Variants in TRPC4 observed in about 807,000 individuals in gnomAD.
TRPC4 encodes the protein transient receptor potential cation channel subfamily C member 4, also known as short transient receptor potential channel 4.
Under a neutral mutation model 99.4 loss-of-function variants are expected in TRPC4, and 49 were observed. The observed-to-expected ratio is 0.49, with a 90% confidence interval of 0.39 to 0.63. TRPC4 has a LOEUF of 0.63. TRPC4 is among the 20% of genes least tolerant of loss of function. TRPC4 has a pLI of 0.00. For missense variants in TRPC4, 898 were observed against 1,152.9 expected (o/e 0.78, Z 3.20); for synonymous variants, 454 against 425.9 (o/e 1.07, Z -0.81).
chr13:37,815,887 T>TAA (rs35428578), intron 1 of TRPC4, among the ~76,000 whole-genome samples: 1 of 150,682 alleles, frequency 6.6e-6, no homozygotes, highest in Non-Finnish European at 1.5e-5. Flanking sequence ...CTCAGTAAAT[T>TAA]AAAAAAAAAT....
At chr13:37,651,537 C>A (rs1042845208) in intron 7 of TRPC4, 78 bp from the exon 8 acceptor site, 2 of 1,342,782 alleles carry the variant, frequency 1.5e-6, no homozygotes, top group African/African-American at 2.9e-5. Context: ...GATCCTGTAA[C>A]CTGACTTCAA....
At chr13:37,667,756 C>G (rs1952697284) in intron 5 of TRPC4, among the ~76,000 whole-genome samples, 1 of 152,212 alleles carries the variant, frequency 6.6e-6, no homozygotes, top group Non-Finnish European at 1.5e-5. Flanking sequence ...AAAGATTTAA[C>G]TGCCATTTGG....
chr13:37,790,720 G>A, intron 1 of TRPC4, among the ~76,000 whole-genome samples: 1 of 152,036 alleles, frequency 6.6e-6, no homozygotes, highest in Non-Finnish European at 1.5e-5. Flanking sequence ...AACCAACTGA[G>A]CACAGGCCAG....
chr13:37,775,397 T>C (rs1402442040), intron 2 of TRPC4, among the ~76,000 whole-genome samples: 5 of 132,798 alleles, frequency 3.8e-5, no homozygotes, highest in African/African-American at 1.4e-4. Flanking sequence ...CTATTTATTT[T>C]ATTTATTTGT....
chr13:37,691,322 C>CTACGATCTCCTGACCTCGTGA (rs1476485540), intron 4 of TRPC4, among the ~76,000 whole-genome samples: 5 of 152,078 alleles, frequency 3.3e-5, no homozygotes, highest in East Asian at 3.9e-4. Context: ...GCTAGGATGG[C>CTACGATCTCCTGACCTCGTGA]TACGATCTCC....
intron 3 of TRPC4, among the ~76,000 whole-genome samples, chr13:37,710,640 A>G (rs1954451989): frequency 6.6e-6 from 1 of 151,956 alleles, no homozygotes; most frequent in South Asian, 2.1e-4. Context: ...GGCAAAATAC[A>G]TTACTAAATA....
intron 3 of TRPC4, among the ~76,000 whole-genome samples, chr13:37,745,449 T>C (rs369240906): frequency 4.2e-4 from 1 of 2,366 alleles, no homozygotes; most frequent in African/African-American, 5.9e-4. Flanking sequence ...TATATATATA[T>C]ATATATATAT....
rs560213122 is a variant in TRPC4 at position 37,655,081 on chromosome 13, A to C, written c.1884+7T>G. 6.1e-6 allele frequency: 9 copies of C among 1,478,184 alleles called. No homozygotes were observed. The highest frequency in any genetic ancestry group is 2.8e-5 in the African/African-American group (2 of 70,448). The allele number at this position is 1,478,184 out of a possible 1,614,324, so 91.6% of individuals were successfully genotyped here. On this transcript the variant is annotated splice_region_variant and intron_variant, in intron 7 of 10. Transcript: ENST00000379705. ...ACATTGAATTAAAATAAAGCTGGTCAACTTACAGCAATCAGTTGGTAAGAA... is the reference window on the plus strand; with the variant it reads ...ACATTGAATTAAAATAAAGCTGGTCCACTTACAGCAATCAGTTGGTAAGAA...
At chr13:37,788,709 C>T (rs1242642777) in intron 1 of TRPC4, among the ~76,000 whole-genome samples, 1 of 152,058 alleles carries the variant, frequency 6.6e-6, no homozygotes, top group Non-Finnish European at 1.5e-5. Context: ...ATCACTCTCC[C>T]TATTCTTATC....
At chr13:37,675,038 G>A (rs1349100836) in intron 4 of TRPC4, among the ~76,000 whole-genome samples, 1 of 151,852 alleles carries the variant, frequency 6.6e-6, no homozygotes, top group Non-Finnish European at 1.5e-5. Context: ...CGTATTTAGA[G>A]CCTAATGATG....
chr13:37,722,211 TTCTC>T (rs1478786771), intron 3 of TRPC4, among the ~76,000 whole-genome samples: 1 of 152,126 alleles, frequency 6.6e-6, no homozygotes, highest in Non-Finnish European at 1.5e-5. Flanking sequence ...GCTGTTGGGA[TTCTC>T]TCTATTATAT....
rs1050519534 is a variant in TRPC4, at chr13:37,809,191, A to G, written c.-27-25831T>C. 3.3e-5 allele frequency among the ~76,000 whole-genome samples: 5 copies of G among 152,090 alleles called. 1 individual carries two copies. The highest frequency in any genetic ancestry group is 1.2e-4 in the African/African-American group (5 of 41,434). On this transcript the variant is annotated intron_variant, in intron 1 of 10. Transcript: ENST00000379705. ...GGGTTGGAAATTAGGTCAATGTAGG[A>G]TGCTCTTCCAATCCTTGGAAGGTTG...
At position 37,674,350 on chromosome 13, in the gene TRPC4, T is replaced by C; in HGVS notation, c.1252A>G (p.Ile418Val). 1 of 1,602,492 alleles carries C rather than the reference T, an allele frequency of 6.2e-7. No homozygotes were observed. Reference sequence around the variant, plus strand: ...AGTCCGCCATCCCACATCTGTTTAATTTCTCCCCATATGAAGCCTGCAATT... The same window carrying C: ...AGTCCGCCATCCCACATCTGTTTAACTTCTCCCCATATGAAGCCTGCAATT... ...PWVLGFIWGE[I>V]KQMWDGGLQD... Residue 418 changes from isoleucine (I) to valine (V), a missense_variant, in exon 5 of 11, where the codon ATT becomes GTT. Physicochemically the swap from Ile to Val is conservative, Grantham distance 29. Transcript: ENST00000379705.
chr13:37,853,135 A>C (rs1344524934), intron 1 of TRPC4, among the ~76,000 whole-genome samples: 1 of 152,092 alleles, frequency 6.6e-6, no homozygotes, highest in African/African-American at 2.4e-5. Flanking sequence ...CAGTTACAGC[A>C]GGCCTTGGGC....
intron 8 of TRPC4, 29 bp from the exon 9 acceptor site, chr13:37,639,328 G>T (rs1432139524): frequency 1.2e-6 from 2 of 1,600,630 alleles, no homozygotes; most frequent in East Asian, 4.5e-5. Context: ...TTCCTTTCTG[G>T]TTATACTGTT....
intron 3 of TRPC4, among the ~76,000 whole-genome samples, chr13:37,711,818 T>C (rs976298325): frequency 6.6e-6 from 1 of 152,114 alleles, no homozygotes; most frequent in African/African-American, 2.4e-5. Context: ...AATGTTCTAA[T>C]AGACATATTT....
At chr13:37,741,105 C>T (rs1757719562) in intron 3 of TRPC4, among the ~76,000 whole-genome samples, 1 of 152,052 alleles carries the variant, frequency 6.6e-6, no homozygotes, top group South Asian at 2.1e-4. Context: ...AATCTATTTC[C>T]TTGCTTTTTA....
intron 1 of TRPC4, among the ~76,000 whole-genome samples, chr13:37,848,623 C>G (rs1362976420): frequency 6.6e-6 from 1 of 152,098 alleles, no homozygotes; most frequent in Non-Finnish European, 1.5e-5. Context: ...GACACACACA[C>G]ACCCTCATCC....
At chr13:37,762,047 A>G (rs1399058032) in intron 2 of TRPC4, among the ~76,000 whole-genome samples, 1 of 151,866 alleles carries the variant, frequency 6.6e-6, no homozygotes, top group Non-Finnish European at 1.5e-5. Context: ...GAGACATCAA[A>G]CAAATAGCAA....
Sources: allele counts gnomAD v4.1 joint callset (sites outside exome capture counted in the v4.1 genomes callset), GRCh38; gene constraint gnomAD v4.1.1; transcripts MANE v1.5; gene names NCBI Gene and HGNC (gene_info 2026-07-23, HGNC 2026-07-21).